GK: variants seen among roughly 807,000 people sequenced by gnomAD.
GK encodes the protein glycerol kinase.
In GK, 9 loss-of-function variants were observed where a neutral mutation model predicts 56.4. The observed-to-expected ratio is 0.16, with a 90% confidence interval of 0.10 to 0.28. The LOEUF (loss-of-function observed/expected upper bound fraction) is 0.28. Ranked by LOEUF, GK falls within the 10% of genes least tolerant of loss-of-function variation. GK has a pLI of 1.00. For synonymous variants in GK, 104 were observed against 144.1 expected (o/e 0.72, Z 1.99); for missense variants, 161 against 431.4 (o/e 0.37, Z 5.55).
At chrX:30,700,532 CT>C in intron 10 of GK, 83 bp downstream of exon 10, 1 of 800,989 alleles carries the variant, frequency 1.2e-6, no homozygotes, top group Non-Finnish European at 1.9e-6. Context: ...CAGTGTGCCT[CT>C]TTTTAAACTA....
chrX:30,687,673 GGAAATT>G (rs1934698489), intron 4 of GK: 1 of 336,984 alleles, frequency 3.0e-6, no homozygotes, highest in Non-Finnish European at 6.0e-6. Context: ...ATATGTTGGG[GGAAATT>G]GACTTCTGCT....
At chrX:30,660,812 CT>C (rs57537572) in intron 1 of GK, among the ~76,000 whole-genome samples, 19,702 of 83,050 alleles carry the variant, frequency 0.24, 2,172 homozygotes, top group Admixed American at 0.26. Context: ...TTTCTTTCTT[CT>C]TTTTTTTTTT....
At chrX:30,726,717 A>G (rs1937153536) in intron 19 of GK, among the ~76,000 whole-genome samples, 1 of 112,050 alleles carries the variant, frequency 8.9e-6, no homozygotes, top group African/African-American at 3.2e-5. Flanking sequence ...TCTAAGCTAT[A>G]TAACTATATA....
chrX:30,658,829 G>A (rs761339281), intron 1 of GK, among the ~76,000 whole-genome samples: 1 of 112,173 alleles, frequency 8.9e-6, no homozygotes, highest in Non-Finnish European at 1.9e-5. Flanking sequence ...GCCTGACACA[G>A]CATCTGGCAT....
At chrX:30,685,255 C>T (rs903578693) in intron 4 of GK, among the ~76,000 whole-genome samples, 1 of 110,857 alleles carries the variant, frequency 9.0e-6, no homozygotes, top group Non-Finnish European at 1.9e-5. Flanking sequence ...CCTCAGCCTC[C>T]CGAATAGCTG....
intron 9 of GK, among the ~76,000 whole-genome samples, chrX:30,699,241 AACATGTTATATAT>A (rs1935460809): frequency 2.0e-5 from 2 of 99,373 alleles, no homozygotes; most frequent in South Asian, 8.8e-4. Flanking sequence ...TGTTATGTAT[AACATGTTATATAT>A]ACATGTTATG....
intron 4 of GK, among the ~76,000 whole-genome samples, chrX:30,688,948 G>A (rs774382111): frequency 8.0e-5 from 9 of 111,996 alleles, no homozygotes; most frequent in African/African-American, 2.9e-4. Flanking sequence ...CATGCCCCTT[G>A]GTAAGAATTA....
chrX:30,667,011 G>C (rs954510189), intron 2 of GK, among the ~76,000 whole-genome samples: 3 of 110,568 alleles, frequency 2.7e-5, no homozygotes, highest in Non-Finnish European at 5.7e-5. Context: ...AAAATTAGCC[G>C]GGCGTGGTGG....
At chrX:30,697,525 A>C (rs979519121) in intron 8 of GK, among the ~76,000 whole-genome samples, 15 of 111,720 alleles carry the variant, frequency 1.3e-4, no homozygotes, top group Middle Eastern at 4.7e-3. Context: ...TTTCTTAAGG[A>C]AGCCATAGTC....
intron 1 of GK, among the ~76,000 whole-genome samples, chrX:30,661,320 C>T (rs965152428): frequency 1.8e-5 from 2 of 111,298 alleles, no homozygotes; most frequent in South Asian, 3.8e-4. Flanking sequence ...TGTAACTTGT[C>T]ATCCCTGGGT....
Position 30,656,587 on chromosome X carries a change from G to A in GK, c.78+2972G>A, listed in dbSNP as rs759907167. Among the ~76,000 whole-genome samples, 350 of 110,862 alleles carry A rather than the reference G, an allele frequency of 3.2e-3. 1 individual carries two copies. The highest frequency in any genetic ancestry group is 0.011 in the African/African-American group (332 of 30,468). ...TTTTAGTGTAAGTCTTCCTCAAACC[G>A]TTATTCAGAATTCCCCCCCCTTCCT... On this transcript the variant is annotated intron_variant, in intron 1 of 20. Coordinates refer to ENST00000427190, the MANE Select transcript of GK (RefSeq NM_001205019.2).
intron 6 of GK, chrX:30,695,009 G>T: frequency 3.3e-6 from 1 of 300,154 alleles, no homozygotes; most frequent in Non-Finnish European, 6.1e-6. Context: ...TTTTGCCTAA[G>T]CTGAATACAC....
chrX:30,680,166 T>TC (rs1352411486), intron 4 of GK, among the ~76,000 whole-genome samples: 3 of 111,996 alleles, frequency 2.7e-5, no homozygotes, highest in Non-Finnish European at 5.6e-5. Flanking sequence ...TGACTCATTT[T>TC]TTTTTATTTT....
At chrX:30,699,191 G>A (rs1569161773) in intron 9 of GK, among the ~76,000 whole-genome samples, 1 of 99,098 alleles carries the variant, frequency 1.0e-5, no homozygotes, top group Non-Finnish European at 2.0e-5. Context: ...ATATATATAT[G>A]TTTTATATAT....
At position 30,720,842 on chromosome X, in the gene GK, C is replaced by G. The variant is rs1305622259; in HGVS notation, c.1358-10C>G. ...ACCACAAAGATATTGATGGAACTCTCTCTCCTCAGTGAAGCCCTCAATGCC... is the reference window on the plus strand; with the variant it reads ...ACCACAAAGATATTGATGGAACTCTGTCTCCTCAGTGAAGCCCTCAATGCC... On this transcript the variant is annotated splice_polypyrimidine_tract_variant and intron_variant, in intron 17 of 20. Coordinates refer to ENST00000427190, the MANE Select transcript of GK (RefSeq NM_001205019.2). 1.7e-6 allele frequency: 2 copies of G among 1,210,130 alleles called. No homozygotes were observed. Among genetic ancestry groups the G allele is most frequent in the South Asian group, 1.8e-5 (1 of 56,879 alleles).
chrX:30,716,433 G>A (rs933930381), intron 13 of GK, among the ~76,000 whole-genome samples: 1 of 111,299 alleles, frequency 9.0e-6, no homozygotes, highest in Non-Finnish European at 1.9e-5. Flanking sequence ...GTATATACCA[G>A]ATTTCAAAGA....
intron 3 of GK, among the ~76,000 whole-genome samples, chrX:30,669,881 C>T (rs1933361634): frequency 8.9e-6 from 1 of 112,474 alleles, no homozygotes; most frequent in Admixed American, 9.4e-5. Context: ...GTGCAGAAAA[C>T]ATGTTAATCT....
chrX:30,682,240 T>C (rs753621950), intron 4 of GK, among the ~76,000 whole-genome samples: 1 of 112,117 alleles, frequency 8.9e-6, no homozygotes, highest in East Asian at 2.8e-4. Context: ...AAATGTAGAC[T>C]TGAAAATTGA....
chrX:30,724,291 A>G lies in GK; in HGVS notation c.1582+110A>G, dbSNP rs776923107. On this transcript the variant is annotated intron_variant, in intron 19 of 20. Coordinates refer to ENST00000427190, the MANE Select transcript of GK (RefSeq NM_001205019.2). ...GGCTGCTCTGAAGAAAAGCATTATC[A>G]TATGTCCAGAGATTCTGACATTTTG... The G allele has an allele frequency of 5.3e-4, 275 of 521,854 alleles. 1 individual carries two copies. The Middle Eastern group carries it at 0.017, about 32-fold the overall frequency. The allele number at this position is 521,854 out of a possible 1,213,427, so 43.0% of individuals were successfully genotyped here.
Sources: allele counts gnomAD v4.1 joint callset (sites outside exome capture counted in the v4.1 genomes callset), GRCh38; gene constraint gnomAD v4.1.1; transcripts MANE v1.5; gene names NCBI Gene and HGNC (gene_info 2026-07-23, HGNC 2026-07-21).